Variants in COX7B2 observed in about 807,000 individuals in gnomAD.
COX7B2 encodes the protein cytochrome c oxidase subunit 7B2, mitochondrial.
For synonymous variants in COX7B2, 37 were observed against 32.1 expected (o/e 1.15, Z -0.51); for missense variants, 109 against 95.9 (o/e 1.14, Z -0.57).
intron 2 of COX7B2, among the ~76,000 whole-genome samples, chr4:46,844,635 G>A (rs926266599): frequency 1.3e-5 from 2 of 151,982 alleles, no homozygotes; most frequent in Admixed American, 1.3e-4. Context: ...TTTTGAAAAT[G>A]TTTGCTGGCA....
At chr4:46,766,722 A>AAAG in intron 2 of COX7B2, among the ~76,000 whole-genome samples, 1 of 151,544 alleles carries the variant, frequency 6.6e-6, no homozygotes, top group South Asian at 2.1e-4. Context: ...AAAAAAAAAA[A>AAAG]AGAGTCAGGG....
intron 2 of COX7B2, among the ~76,000 whole-genome samples, chr4:46,773,592 G>C (rs1462595272): frequency 2.0e-5 from 3 of 152,068 alleles, no homozygotes; most frequent in African/African-American, 7.2e-5. Flanking sequence ...AATAAGAACT[G>C]ACACTAAAGC....
intron 2 of COX7B2, among the ~76,000 whole-genome samples, chr4:46,770,519 A>T (rs1417234097): frequency 1.3e-5 from 2 of 152,142 alleles, no homozygotes; most frequent in African/African-American, 4.8e-5. Context: ...CATAAGATAA[A>T]AGAATTCCTA....
intron 1 of COX7B2, among the ~76,000 whole-genome samples, chr4:46,889,202 T>C (rs963916612): frequency 2.0e-5 from 3 of 152,202 alleles, no homozygotes; most frequent in African/African-American, 7.2e-5. Context: ...TAAACCACCT[T>C]TATAGATGGT....
chr4:46,838,556 T>C (rs957458619), intron 2 of COX7B2, among the ~76,000 whole-genome samples: 1 of 152,084 alleles, frequency 6.6e-6, no homozygotes, highest in Admixed American at 6.6e-5. Flanking sequence ...AAGCATAACT[T>C]GGTCCATTAA....
chr4:46,826,925 G>C (rs549045251), intron 2 of COX7B2, among the ~76,000 whole-genome samples: 233 of 152,040 alleles, frequency 1.5e-3, no homozygotes, highest in African/African-American at 5.3e-3. Context: ...GAATGAGATG[G>C]AAATTCTACA....
intron 2 of COX7B2, among the ~76,000 whole-genome samples, chr4:46,761,930 T>C (rs1716170288): frequency 6.6e-6 from 1 of 151,800 alleles, no homozygotes; most frequent in South Asian, 2.1e-4. Context: ...CTGTCTTTTT[T>C]TTTTTAAAAC....
rs1228243685 is a variant in COX7B2 at position 46,796,370 on chromosome 4, T to G, written c.-50+48590A>C. Reference sequence around the variant, plus strand: ...TCATCATCACTGGCCATCAGAGAAATGCAAATCAAAACCACTATGAGATAT... The same window carrying G: ...TCATCATCACTGGCCATCAGAGAAAGGCAAATCAAAACCACTATGAGATAT... On this transcript the variant is annotated intron_variant, in intron 2 of 2. Transcript: ENST00000355591. Among the ~76,000 whole-genome samples the G allele has an allele frequency of 8.8e-5, 13 of 148,098 alleles. No individual in the cohort carries two copies. In the East Asian group the frequency reaches 2.4e-3, roughly 27 times the overall value.
intron 2 of COX7B2, among the ~76,000 whole-genome samples, chr4:46,753,038 A>G (rs10155261): frequency 0.33 from 49,396 of 151,568 alleles, 8,226 homozygotes; most frequent in South Asian, 0.47. Context: ...CTGTGAATCC[A>G]TCTGGTCCTG....
intron 1 of COX7B2, among the ~76,000 whole-genome samples, chr4:46,872,205 T>C (rs1037825608): frequency 6.6e-6 from 1 of 152,110 alleles, no homozygotes; most frequent in Non-Finnish European, 1.5e-5. Flanking sequence ...ATTATCCTCA[T>C]AAAATTAATG....
intron 1 of COX7B2, among the ~76,000 whole-genome samples, chr4:46,863,151 T>C (rs1334366529): frequency 6.6e-6 from 1 of 152,126 alleles, no homozygotes; most frequent in East Asian, 1.9e-4. Flanking sequence ...ATTCAAATTA[T>C]CAACTTGAAA....
At chr4:46,800,048 T>A (rs909726273) in intron 2 of COX7B2, among the ~76,000 whole-genome samples, 1 of 151,922 alleles carries the variant, frequency 6.6e-6, no homozygotes, top group African/African-American at 2.4e-5. Flanking sequence ...CTCTTAAGAG[T>A]TTAGGAATAT....
At chr4:46,809,813 C>G (rs1003865377) in intron 2 of COX7B2, among the ~76,000 whole-genome samples, 3 of 151,914 alleles carry the variant, frequency 2.0e-5, no homozygotes, top group Admixed American at 2.0e-4. Flanking sequence ...AATTAATTCT[C>G]TGGTTAATAT....
At chr4:46,760,955 C>G (rs1716112343) in intron 2 of COX7B2, among the ~76,000 whole-genome samples, 1 of 152,078 alleles carries the variant, frequency 6.6e-6, no homozygotes. Flanking sequence ...TATATGGCAA[C>G]AAATTATAGA....
intron 2 of COX7B2, among the ~76,000 whole-genome samples, chr4:46,804,108 G>A (rs1560391472): frequency 6.6e-6 from 1 of 152,250 alleles, no homozygotes; most frequent in Admixed American, 6.5e-5. Flanking sequence ...GACCTTCACA[G>A]TGAGTGTCAC....
intron 2 of COX7B2, among the ~76,000 whole-genome samples, chr4:46,771,349 T>C (rs931669804): frequency 7.2e-5 from 11 of 152,118 alleles, no homozygotes; most frequent in African/African-American, 2.7e-4. Flanking sequence ...AGGGGTCCCC[T>C]TGGGCATGGT....
intron 1 of COX7B2, among the ~76,000 whole-genome samples, chr4:46,854,482 T>A (rs1290775713): frequency 1.3e-5 from 2 of 152,196 alleles, no homozygotes; most frequent in African/African-American, 2.4e-5. Context: ...AATAACTGCA[T>A]TGCACAATGC....
intron 2 of COX7B2, among the ~76,000 whole-genome samples, chr4:46,777,964 T>C (rs1048926926): frequency 2.6e-5 from 4 of 152,134 alleles, no homozygotes; most frequent in Admixed American, 6.5e-5. Context: ...TCTTTTTTTC[T>C]CTCTCTTTTA....
intron 2 of COX7B2, among the ~76,000 whole-genome samples, chr4:46,758,289 T>C (rs1278047539): frequency 1.3e-5 from 2 of 151,944 alleles, no homozygotes; most frequent in African/African-American, 4.8e-5. Flanking sequence ...AACTGAGAGG[T>C]ATAGAGCATA....
Sources: gnomAD v4.1 joint callset for allele counts (sites outside exome capture counted in the v4.1 genomes callset) on GRCh38, gnomAD v4.1.1 for gene constraint, MANE v1.5 for transcripts, NCBI Gene and HGNC (gene_info 2026-07-23, HGNC 2026-07-21) for gene names.